Variants in PPP2R5C observed in about 807,000 individuals in gnomAD.
The protein encoded by PPP2R5C is serine/threonine-protein phosphatase 2A 56 kDa regulatory subunit gamma isoform.
Under a neutral mutation model 68.9 loss-of-function variants are expected in PPP2R5C, and 7 were observed. The ratio of observed to expected loss-of-function variants is 0.10; its 90% confidence interval spans 0.06 to 0.19. PPP2R5C has a LOEUF of 0.19. Ranked by LOEUF, PPP2R5C falls within the 10% of genes least tolerant of loss-of-function variation. The probability of loss-of-function intolerance (pLI) is 1.00; values close to 1 mark genes in which losing one functional copy is unlikely to be tolerated. For missense variants in PPP2R5C, 348 were observed against 641.3 expected, an observed-to-expected ratio of 0.54 and a Z score of 4.94; for synonymous variants, 210 against 222.2, an observed-to-expected ratio of 0.95 and a Z score of 0.49.
At chr14:101,764,002 A>ATT (rs1211186911) in intron 2 of PPP2R5C, among the ~76,000 whole-genome samples, 1 of 142,656 alleles carries the variant, frequency 7.0e-6, no homozygotes, top group Admixed American at 6.8e-5. Flanking sequence ...TATTGTTCAC[A>ATT]TTGTGTGTGT....
At chr14:101,851,370 G>T (rs1031816518) in intron 1 of PPP2R5C, among the ~76,000 whole-genome samples, 1 of 152,166 alleles carries the variant, frequency 6.6e-6, no homozygotes, top group Non-Finnish European at 1.5e-5. Context: ...GGTCAAGGTT[G>T]CAGTGAGCCA....
At position 101,882,425 on chromosome 14, in the gene PPP2R5C, G is replaced by A; in HGVS notation, c.405+154G>A. On this transcript the variant is annotated intron_variant, in intron 3 of 13. Coordinates refer to ENST00000334743, the Ensembl canonical transcript of PPP2R5C. The surrounding 1 kb of genome is among the most constrained non-coding windows in gnomAD (Gnocchi z 4.9). ...CCATATGTACAAGAAAAATATTTCA[G>A]CAGAATAAAGTTAATGTGTGTGTTT... The A allele has an allele frequency of 1.9e-6, 1 of 536,028 alleles. No individual in the cohort carries two copies. Among genetic ancestry groups the A allele is most frequent in the Non-Finnish European group, 3.3e-6 (1 of 299,904 alleles). The allele number at this position is 536,028 out of a possible 1,614,324, so 33.2% of individuals were successfully genotyped here. A position where few individuals can be genotyped will look rare whatever the true frequency, so the allele number is the denominator to read the frequency against.
At chr14:101,858,281 C>G (rs191512432) in intron 2 of PPP2R5C, among the ~76,000 whole-genome samples, 32 of 152,222 alleles carry the variant, frequency 2.1e-4, no homozygotes, top group Admixed American at 3.9e-4. Context: ...CTAATATTTT[C>G]TCCTATTACT....
chr14:101,922,566 C>A (rs2047070979), intron 13 of PPP2R5C, among the ~76,000 whole-genome samples: 1 of 151,598 alleles, frequency 6.6e-6, no homozygotes, highest in Non-Finnish European at 1.5e-5. Context: ...GTAATCCCAA[C>A]ACTTTGGGAG....
In PPP2R5C at chr14:101,899,918, T is replaced by C. The variant is rs1272536672; in HGVS notation, c.853-1801T>C. On this transcript the variant is annotated intron_variant, in intron 8 of 13. Transcript: ENST00000334743. The surrounding 1 kb of genome is among the most constrained non-coding windows in gnomAD (Gnocchi z 4.2). ...TATTTGGCTCTTTTGGGGTTTTTGT[T>C]TGTTTGTTAGATTCTTGGAGTACAG... 6.6e-6 allele frequency among the ~76,000 whole-genome samples: 1 copy of C among 152,184 alleles called. No individual in the cohort carries two copies. The highest frequency in any genetic ancestry group is 6.5e-5 in the Admixed American group (1 of 15,272).
intron 1 of PPP2R5C, chr14:101,820,533 T>C (rs989478685): frequency 6.6e-6 from 1 of 152,216 alleles, no homozygotes. Flanking sequence ...TTGCAACTAA[T>C]CTTTAAGGAA....
chr14:101,895,621 C>T (rs1336383711), intron 8 of PPP2R5C, among the ~76,000 whole-genome samples: 1 of 152,168 alleles, frequency 6.6e-6, no homozygotes, highest in Non-Finnish European at 1.5e-5. Flanking sequence ...TTCCAGGGCT[C>T]ATTCTTGGGT....
At chr14:101,765,178 A>G in intron 2 of PPP2R5C, 1 of 702,800 alleles carries the variant, frequency 1.4e-6, no homozygotes, top group South Asian at 1.5e-5. Flanking sequence ...AGCTGGAGCT[A>G]CAGAGCTTGA....
chr14:101,823,891 T>C (rs2040238343), intron 1 of PPP2R5C: 1 of 1,267,164 alleles, frequency 7.9e-7, no homozygotes, highest in African/African-American at 1.5e-5. Flanking sequence ...GGTTAGTTGA[T>C]CTTATGGTGT....
intron 2 of PPP2R5C, among the ~76,000 whole-genome samples, chr14:101,872,803 A>G (rs2043511031): frequency 1.3e-5 from 2 of 152,052 alleles, no homozygotes; most frequent in South Asian, 2.1e-4. Context: ...AATTTTCATC[A>G]GTTTGAGAAA....
At chr14:101,767,573 T>G (rs1221392241) in intron 2 of PPP2R5C, among the ~76,000 whole-genome samples, 1 of 152,086 alleles carries the variant, frequency 6.6e-6, no homozygotes, top group Non-Finnish European at 1.5e-5. Flanking sequence ...TCTTCCCACC[T>G]TTTTTTCCAT....
chr14:101,848,693 A>T (rs2140487826), intron 1 of PPP2R5C, among the ~76,000 whole-genome samples: 1 of 152,236 alleles, frequency 6.6e-6, no homozygotes, highest in African/African-American at 2.4e-5. Flanking sequence ...AGCCGAATGT[A>T]CCCCTGGAGC....
At chr14:101,780,489 G>C (rs915836584) in intron 2 of PPP2R5C, among the ~76,000 whole-genome samples, 4 of 152,202 alleles carry the variant, frequency 2.6e-5, no homozygotes, top group Non-Finnish European at 5.9e-5. Flanking sequence ...GGGGGGAGGG[G>C]CTGCTTGCAT....
chr14:101,914,267 G>A (rs2046540948), intron 12 of PPP2R5C: 2 of 449,150 alleles, frequency 4.5e-6, no homozygotes, highest in Non-Finnish European at 8.9e-6. Flanking sequence ...CGCCATCTGT[G>A]ACGCAGTCCC....
chr14:101,760,625 C>G, upstream of PPP2R5C: 2 of 767,632 alleles, frequency 2.6e-6, no homozygotes, highest in Non-Finnish European at 3.0e-6. Flanking sequence ...GTCGGGTAGG[C>G]GGGACCTTGC....
At chr14:101,847,049 G>A (rs917978422) in intron 1 of PPP2R5C, among the ~76,000 whole-genome samples, 3 of 152,120 alleles carry the variant, frequency 2.0e-5, no homozygotes, top group Non-Finnish European at 4.4e-5. Flanking sequence ...TACAGGTGGC[G>A]TTATTTTGAT....
chr14:101,893,933 A>G (rs2045132955), intron 7 of PPP2R5C, among the ~76,000 whole-genome samples: 1 of 152,260 alleles, frequency 6.6e-6, no homozygotes, highest in Non-Finnish European at 1.5e-5. Context: ...TCACAGGGCC[A>G]GGCACTGAGC....
Position 101,892,990 on chromosome 14 carries a change from C to A in PPP2R5C, c.690-10C>A. The A allele has an allele frequency of 1.3e-6, 2 of 1,524,560 alleles. No homozygotes were observed. The highest frequency in any genetic ancestry group is 1.8e-6 in the Non-Finnish European group (2 of 1,102,092). 94.4% of individuals were successfully genotyped at this position (1,524,560 alleles called of 1,614,324 possible). A position where few individuals can be genotyped will look rare whatever the true frequency, so the allele number is the denominator to read the frequency against. ...TAAATGTTCAAACCTAATAAATGTT[C>A]TTTTTACAGTATAATTAATGGATTT... On this transcript the variant is annotated splice_polypyrimidine_tract_variant and intron_variant, in intron 6 of 13. Coordinates refer to ENST00000334743, the Ensembl canonical transcript of PPP2R5C.
At chr14:101,774,909 T>C (rs2037338502) in intron 2 of PPP2R5C, among the ~76,000 whole-genome samples, 1 of 152,202 alleles carries the variant, frequency 6.6e-6, no homozygotes. Flanking sequence ...ACTACTTAAC[T>C]CTGCTGTTGC....
Sources: allele counts gnomAD v4.1 joint callset (sites outside exome capture counted in the v4.1 genomes callset), GRCh38; gene constraint gnomAD v4.1.1; non-coding constraint Gnocchi (gnomAD v3.1); transcripts MANE v1.5; gene names NCBI Gene and HGNC (gene_info 2026-07-23, HGNC 2026-07-21).